The following BMPR1A variants were observed in gnomAD, a reference collection of about 807,000 sequenced individuals.
The protein encoded by BMPR1A is bone morphogenetic protein receptor type-1A.
In BMPR1A, 7 loss-of-function variants were observed where a neutral mutation model predicts 66.0. The observed-to-expected ratio is 0.11, with a 90% CI of 0.06 to 0.20. The LOEUF (loss-of-function observed/expected upper bound fraction) is 0.20, where lower values mean the gene tolerates loss of function less well. Ranked by LOEUF, BMPR1A falls within the 10% of genes least tolerant of loss-of-function variation. The pLI is 1.00. For missense variants in BMPR1A, 408 were observed against 669.1 expected (o/e 0.61, Z 4.31); for synonymous variants, 200 against 229.7 (o/e 0.87, Z 1.17).
rs150298121 is a variant in BMPR1A at position 86,798,897 on chromosome 10, T to G, written c.-267-39968T>G. Among the ~76,000 whole-genome samples the G allele has an allele frequency of 6.3e-3, 955 of 152,360 alleles. 10 individuals are homozygous for G. Among genetic ancestry groups the G allele is most frequent in the Admixed American group, 0.031 (468 of 15,300 alleles). On this transcript the variant is annotated intron_variant, in intron 1 of 12. Coordinates refer to ENST00000372037, the MANE Select transcript of BMPR1A (RefSeq NM_004329.3). ...TGCATGTGAGCTGAGCACTGTGCCT[T>G]GTGTCAGTAGTCAGTGGTGTTCCTT...
chr10:86,851,206 CTAGAGATATATTTT>C (rs1347817614), intron 2 of BMPR1A, among the ~76,000 whole-genome samples: 32 of 152,162 alleles, frequency 2.1e-4, no homozygotes, highest in African/African-American at 6.8e-4. Context: ...ACTGTAAGAT[CTAGAGATATATTTT>C]TAGATGCCAT....
At chr10:86,835,711 C>G (rs1842337346) in intron 1 of BMPR1A, among the ~76,000 whole-genome samples, 1 of 151,776 alleles carries the variant, frequency 6.6e-6, no homozygotes, top group Admixed American at 6.6e-5. Context: ...GTTATGATAT[C>G]CATAATCAGT....
chr10:86,868,778 G>GT (rs55872033), intron 2 of BMPR1A, among the ~76,000 whole-genome samples: 23,971 of 141,006 alleles, frequency 0.17, 2,825 homozygotes, highest in East Asian at 0.66. Flanking sequence ...CTTTTCCTGT[G>GT]TTTTTTTTTT....
intron 9 of BMPR1A, among the ~76,000 whole-genome samples, chr10:86,918,022 G>T (rs1026161884): frequency 6.6e-6 from 1 of 152,156 alleles, no homozygotes; most frequent in African/African-American, 2.4e-5. Flanking sequence ...TCTAGAGGAG[G>T]AGCCTTCCTT....
chr10:86,892,041 G>A, intron 4 of BMPR1A, 86 bp from the exon 5 acceptor site: 1 of 1,015,566 alleles, frequency 9.8e-7, no homozygotes, highest in South Asian at 1.4e-5. Flanking sequence ...AAGGCCATCT[G>A]TACCTGTTCA....
At chr10:86,929,534 G>A (rs556880192), downstream of BMPR1A, 7 of 152,320 alleles carry the variant, frequency 4.6e-5, no homozygotes, top group South Asian at 4.1e-4. Flanking sequence ...AATCACAGAC[G>A]CGATGTGGCA....
intron 1 of BMPR1A, among the ~76,000 whole-genome samples, chr10:86,812,326 A>C (rs544188765): frequency 6.6e-6 from 1 of 152,278 alleles, no homozygotes; most frequent in East Asian, 1.9e-4. Flanking sequence ...AGGGTCATCC[A>C]GGTTGTTGCA....
intron 1 of BMPR1A, among the ~76,000 whole-genome samples, chr10:86,798,285 A>G (rs78389674): frequency 1.2e-3 from 189 of 152,292 alleles, no homozygotes; most frequent in African/African-American, 4.3e-3. Context: ...ATTCATCACA[A>G]TTTCCATACT....
chr10:86,765,159 C>T (rs940453193), intron 1 of BMPR1A, among the ~76,000 whole-genome samples: 3 of 152,012 alleles, frequency 2.0e-5, no homozygotes, highest in Admixed American at 1.3e-4. Flanking sequence ...TTTCCTTTCC[C>T]TGGTTCTTTG....
chr10:86,798,020 T>C (rs1243056707), intron 1 of BMPR1A, among the ~76,000 whole-genome samples: 1 of 152,208 alleles, frequency 6.6e-6, no homozygotes, highest in Non-Finnish European at 1.5e-5. Context: ...TTCAAAACTT[T>C]GTCTATTTGC....
Position 86,890,168 on chromosome 10 carries a change from T to C in BMPR1A, c.174T>C (p.Phe58=), listed in dbSNP as rs1554888126. The C allele has an allele frequency of 6.2e-7, 1 of 1,614,194 alleles. No homozygotes were observed. Among genetic ancestry groups the C allele is most frequent in the Non-Finnish European group, 8.5e-7 (1 of 1,180,028 alleles). ...TAGCACCAGAGGATACCTTGCCTTTTTTAAAGTGCTATTGCTCAGGGCACT... is the reference window on the plus strand; with the variant it reads ...TAGCACCAGAGGATACCTTGCCTTTCTTAAAGTGCTATTGCTCAGGGCACT... ...VTLAPEDTLP[F]LKCYCSGHCP... The change falls in exon 4 of 13, where the codon TTT becomes TTC. Residue 58 remains phenylalanine, a synonymous_variant. Transcript: ENST00000372037.
At chr10:86,847,043 T>C (rs1842495426) in intron 2 of BMPR1A, among the ~76,000 whole-genome samples, 1 of 152,068 alleles carries the variant, frequency 6.6e-6, no homozygotes, top group Non-Finnish European at 1.5e-5. Context: ...TTAGTAGAGA[T>C]GGGGTTTCAC....
intron 1 of BMPR1A, among the ~76,000 whole-genome samples, chr10:86,803,541 C>T (rs1212887382): frequency 6.6e-6 from 1 of 152,136 alleles, no homozygotes; most frequent in African/African-American, 2.4e-5. Context: ...AGTTTTGTTG[C>T]ATAACGTAAG....
chr10:86,899,887 A>T lies in BMPR1A; in HGVS notation c.427A>T (p.Ile143Leu), dbSNP rs760739609. The T allele has an allele frequency of 1.2e-6, 2 of 1,614,024 alleles. No homozygotes were observed. The highest frequency in any genetic ancestry group is 8.5e-7 in the Non-Finnish European group (1 of 1,179,870). ...YLQPTLPPVV[I>L]GPFFDGSIRW... ...GCAACCCACACTGCCCCCTGTTGTC[A>T]TAGGTAGGTTAGCCGAGAAAAGTCG... The change falls in exon 6 of 13, where the codon ATA (isoleucine) becomes TTA (leucine). Residue 143 changes from isoleucine (I) to leucine (L), a missense_variant. Physicochemically the swap from Ile to Leu is conservative, Grantham distance 5 (BLOSUM62 2). Coordinates refer to ENST00000372037, the MANE Select transcript of BMPR1A (RefSeq NM_004329.3).
chr10:86,854,722 C>A, intron 2 of BMPR1A: 1 of 229,664 alleles, frequency 4.4e-6, no homozygotes, highest in South Asian at 8.0e-5. Context: ...TTGGTGGTTT[C>A]TTCATCCAAA....
intron 1 of BMPR1A, among the ~76,000 whole-genome samples, chr10:86,816,932 CTA>C (rs1444142371): frequency 6.6e-6 from 1 of 152,094 alleles, no homozygotes; most frequent in East Asian, 1.9e-4. Flanking sequence ...TAATATGAGT[CTA>C]TGTGCATATT....
intron 1 of BMPR1A, among the ~76,000 whole-genome samples, chr10:86,837,247 C>CTGTGTGTGTGTGTGTGTCTG (rs1554883387): frequency 1.4e-5 from 2 of 138,106 alleles, no homozygotes; most frequent in South Asian, 4.9e-4. Context: ...GTGTGTGTGT[C>CTGTGTGTGTGTGTGTGTCTG]TGTGTGTGTG....
At chr10:86,871,036 TC>T (rs1842848099) in intron 2 of BMPR1A, among the ~76,000 whole-genome samples, 1 of 152,192 alleles carries the variant, frequency 6.6e-6, no homozygotes, top group Non-Finnish European at 1.5e-5. Context: ...TCTCTTATTC[TC>T]AACATTTCAG....
intron 2 of BMPR1A, among the ~76,000 whole-genome samples, chr10:86,866,576 T>A (rs1446141884): frequency 6.6e-6 from 1 of 151,652 alleles, no homozygotes; most frequent in Non-Finnish European, 1.5e-5. Context: ...GCCTGGCTAA[T>A]TTTTTGTATT....
Sources: allele counts gnomAD v4.1 joint callset (sites outside exome capture counted in the v4.1 genomes callset), GRCh38; gene constraint gnomAD v4.1.1; transcripts MANE v1.5; gene names NCBI Gene and HGNC (gene_info 2026-07-23, HGNC 2026-07-21).